The following DMD variants were observed in gnomAD, a reference collection of about 807,000 sequenced individuals.
DMD encodes the protein dystrophin.
In DMD, 63 loss-of-function variants were observed where a neutral mutation model predicts 330.1. That is an observed-to-expected ratio of 0.19 (90% CI 0.16 to 0.24). DMD has a LOEUF of 0.24. DMD is among the 10% of genes least tolerant of loss of function. DMD has a pLI of 1.00. For missense variants in DMD, 3,344 were observed against 2,684.1 expected, an observed-to-expected ratio of 1.25 and a Z score of -5.43; for synonymous variants, 1,223 against 959.8, an observed-to-expected ratio of 1.27 and a Z score of -5.07.
At chrX:31,754,347 T>A (rs1449402179) in intron 51 of DMD, among the ~76,000 whole-genome samples, 1 of 111,338 alleles carries the variant, frequency 9.0e-6, no homozygotes, top group African/African-American at 3.3e-5. Context: ...TAATTGCTTT[T>A]GAATTCAGAG....
chrX:31,949,219 C>T (rs1356637505), intron 45 of DMD, among the ~76,000 whole-genome samples: 1 of 111,344 alleles, frequency 9.0e-6, no homozygotes, highest in Admixed American at 9.5e-5. Flanking sequence ...ATGGAGATTG[C>T]ATTAAATCTA....
intron 2 of DMD, among the ~76,000 whole-genome samples, chrX:32,929,443 T>C (rs762224431): frequency 9.6e-6 from 1 of 104,412 alleles, no homozygotes; most frequent in African/African-American, 3.5e-5. Flanking sequence ...TCTCTCTCTC[T>C]CACTGTTCCT....
At chrX:32,732,612 A>G (rs963539831) in intron 7 of DMD, among the ~76,000 whole-genome samples, 1 of 111,437 alleles carries the variant, frequency 9.0e-6, no homozygotes, top group Non-Finnish European at 1.9e-5. Context: ...AATATTCAAC[A>G]TTCTTAAAGA....
At chrX:32,442,757 G>A (rs1439420373) in intron 27 of DMD, among the ~76,000 whole-genome samples, 2 of 110,519 alleles carry the variant, frequency 1.8e-5, no homozygotes, top group African/African-American at 6.6e-5. Flanking sequence ...TCCACTGCAA[G>A]GAGAATGGAA....
intron 2 of DMD, among the ~76,000 whole-genome samples, chrX:32,978,961 C>G (rs920581640): frequency 8.9e-6 from 1 of 111,953 alleles, no homozygotes; most frequent in African/African-American, 3.2e-5. Context: ...ACTAGGTGTA[C>G]TAGTTGACTC....
At chrX:31,927,794 T>TA (rs2094800181) in intron 47 of DMD, among the ~76,000 whole-genome samples, 1 of 111,846 alleles carries the variant, frequency 8.9e-6, no homozygotes, top group Admixed American at 9.5e-5. Flanking sequence ...ATCACCAATT[T>TA]AAAAAATACA....
intron 1 of DMD, among the ~76,000 whole-genome samples, chrX:33,205,979 T>C (rs1445081564): frequency 1.8e-5 from 2 of 111,678 alleles, no homozygotes; most frequent in African/African-American, 3.2e-5. Flanking sequence ...ATTATCTTAA[T>C]CCTCTCCAAA....
chrX:32,793,507 A>C (rs1035054039), intron 7 of DMD, among the ~76,000 whole-genome samples: 1 of 110,188 alleles, frequency 9.1e-6, no homozygotes, highest in African/African-American at 3.3e-5. Flanking sequence ...TTGATTTTTA[A>C]AAAGATGAAA....
intron 9 of DMD, among the ~76,000 whole-genome samples, chrX:32,655,876 C>T (rs759575784): frequency 2.8e-4 from 31 of 111,422 alleles, no homozygotes; most frequent in Non-Finnish European, 1.9e-4. Flanking sequence ...TTGAATTGAT[C>T]CCTTTACCAT....
intron 62 of DMD, among the ~76,000 whole-genome samples, chrX:31,284,997 A>AT (rs2053089085): frequency 9.1e-6 from 1 of 109,836 alleles, no homozygotes; most frequent in Non-Finnish European, 1.9e-5. Flanking sequence ...GAGATTTTCG[A>AT]TATTAAAACA....
intron 60 of DMD, among the ~76,000 whole-genome samples, chrX:31,419,229 C>A (rs931364655): frequency 1.9e-5 from 2 of 103,764 alleles, no homozygotes; most frequent in African/African-American, 7.1e-5. Context: ...CAGGTGTGAG[C>A]CACATTGCCT....
chrX:32,931,857 A>G (rs1270101797), intron 2 of DMD, among the ~76,000 whole-genome samples: 1 of 111,765 alleles, frequency 8.9e-6, no homozygotes, highest in Non-Finnish European at 1.9e-5. Context: ...AAACTCCAAT[A>G]TCTACTGTGT....
chrX:31,820,749 C>T (rs1274278634), intron 49 of DMD, among the ~76,000 whole-genome samples: 2 of 111,662 alleles, frequency 1.8e-5, no homozygotes, highest in Non-Finnish European at 3.8e-5. Flanking sequence ...TGAAGGGCTA[C>T]TTCAGCTGCA....
chrX:32,321,119 T>A (rs972811521), intron 41 of DMD, among the ~76,000 whole-genome samples: 1 of 111,709 alleles, frequency 9.0e-6, no homozygotes, highest in Non-Finnish European at 1.9e-5. Flanking sequence ...TCAAAGCTTA[T>A]TAATTATATA....
At chrX:31,897,473 T>C (rs1201046588) in intron 47 of DMD, among the ~76,000 whole-genome samples, 3 of 99,262 alleles carry the variant, frequency 3.0e-5, no homozygotes, top group Non-Finnish European at 6.1e-5. Context: ...GTATTTCTAG[T>C]TCTAGATCCC....
chrX:32,614,940 A>G (rs972625356), intron 11 of DMD, among the ~76,000 whole-genome samples: 1 of 110,730 alleles, frequency 9.0e-6, no homozygotes, highest in Non-Finnish European at 1.9e-5. Context: ...TGTAGGCTAT[A>G]AAAGAACTGG....
At chrX:32,402,233 C>T (rs1407963350) in intron 30 of DMD, among the ~76,000 whole-genome samples, 2 of 111,332 alleles carry the variant, frequency 1.8e-5, no homozygotes, top group Non-Finnish European at 3.8e-5. Flanking sequence ...TGCTATGCAT[C>T]AAAATAATGG....
chrX:31,950,225 T>A (rs1330314838), intron 45 of DMD, among the ~76,000 whole-genome samples: 1 of 111,861 alleles, frequency 8.9e-6, no homozygotes, highest in Non-Finnish European at 1.9e-5. Flanking sequence ...AAATATTTTA[T>A]AATTTCCTAT....
chrX:32,180,566 C>A (rs1419700811), intron 44 of DMD, among the ~76,000 whole-genome samples: 4 of 111,465 alleles, frequency 3.6e-5, no homozygotes, highest in African/African-American at 1.3e-4. Context: ...TCCGTTCAAG[C>A]ATCACTGTGA....
Sources: allele counts gnomAD v4.1 joint callset (sites outside exome capture counted in the v4.1 genomes callset), GRCh38; gene constraint gnomAD v4.1.1; transcripts MANE v1.5; gene names NCBI Gene and HGNC (gene_info 2026-07-23, HGNC 2026-07-21).